The following CPNE4 variants were observed in gnomAD, a reference collection of about 807,000 sequenced individuals.
The protein encoded by CPNE4 is copine-4.
CPNE4 carries 25 observed loss-of-function variants against 67.9 expected under a neutral mutation model. The ratio of observed to expected loss-of-function variants is 0.37; its 90% confidence interval spans 0.27 to 0.51. The LOEUF is 0.51. Among genes scored for constraint, CPNE4 ranks in the 20% least tolerant of loss-of-function variants. The probability of loss-of-function intolerance (pLI) is 0.93; values close to 1 mark genes in which losing one functional copy is unlikely to be tolerated. For missense variants in CPNE4, 464 were observed against 690.8 expected (o/e 0.67, Z 3.68); for synonymous variants, 242 against 244.9 (o/e 0.99, Z 0.11).
chr3:131,818,568 G>C (rs1337163109), intron 2 of CPNE4, among the ~76,000 whole-genome samples: 1 of 152,180 alleles, frequency 6.6e-6, no homozygotes, highest in Non-Finnish European at 1.5e-5. Context: ...CATCAACTGG[G>C]AGGCTGTCAA....
At chr3:131,857,473 G>T (rs2086494800) in intron 2 of CPNE4, among the ~76,000 whole-genome samples, 1 of 151,938 alleles carries the variant, frequency 6.6e-6, no homozygotes, top group African/African-American at 2.4e-5. Context: ...GTAGGATGCA[G>T]TAAAGTGAGC....
At chr3:131,914,264 G>C (rs995046698) in intron 1 of CPNE4, among the ~76,000 whole-genome samples, 3 of 152,126 alleles carry the variant, frequency 2.0e-5, no homozygotes, top group Admixed American at 6.6e-5. Context: ...TAACCACTTT[G>C]CTGTTCTGCC....
chr3:131,609,505 T>C (rs1939702881), intron 7 of CPNE4, among the ~76,000 whole-genome samples: 1 of 152,174 alleles, frequency 6.6e-6, no homozygotes, highest in Non-Finnish European at 1.5e-5. Flanking sequence ...GGTGGGATGA[T>C]AAAGACACAG....
At chr3:131,672,741 C>T (rs1034731482) in intron 6 of CPNE4, among the ~76,000 whole-genome samples, 3 of 151,918 alleles carry the variant, frequency 2.0e-5, no homozygotes, top group African/African-American at 7.2e-5. Context: ...TTATTAACCC[C>T]CTGTCAGATG....
intron 2 of CPNE4, among the ~76,000 whole-genome samples, chr3:131,785,663 TTCTCTCTTTC>T (rs913208948): frequency 1.7e-4 from 16 of 96,622 alleles, no homozygotes; most frequent in Admixed American, 4.2e-4. Context: ...CTCTCTCTCT[TTCTCTCTTTC>T]TCTCTCTCTC....
At chr3:131,725,223 G>A (rs1242172632) in intron 2 of CPNE4, among the ~76,000 whole-genome samples, 3 of 152,144 alleles carry the variant, frequency 2.0e-5, no homozygotes, top group Non-Finnish European at 4.4e-5. Context: ...ATTTGTTCTA[G>A]CCACCCCTAA....
chr3:131,801,994 G>C (rs893302107), intron 2 of CPNE4, among the ~76,000 whole-genome samples: 1 of 151,518 alleles, frequency 6.6e-6, no homozygotes, highest in Non-Finnish European at 1.5e-5. Flanking sequence ...AATAGGGTGG[G>C]GGAAGTTCAG....
chr3:131,649,205 T>C (rs1001981365), intron 7 of CPNE4, among the ~76,000 whole-genome samples: 3 of 152,230 alleles, frequency 2.0e-5, no homozygotes, highest in African/African-American at 7.2e-5. Flanking sequence ...TCCATTAATA[T>C]TGAAGCAGTC....
At chr3:131,572,296 G>T (rs1416359181) in intron 10 of CPNE4, among the ~76,000 whole-genome samples, 2 of 152,084 alleles carry the variant, frequency 1.3e-5, no homozygotes, top group African/African-American at 2.4e-5. Flanking sequence ...TGTGGAAAAG[G>T]TTAATGGAAA....
At chr3:131,738,020 A>G (rs562648335) in intron 2 of CPNE4, among the ~76,000 whole-genome samples, 1 of 152,372 alleles carries the variant, frequency 6.6e-6, no homozygotes, top group South Asian at 2.1e-4. Context: ...GGGATTCAGC[A>G]TTAAGCTAGA....
intron 2 of CPNE4, among the ~76,000 whole-genome samples, chr3:131,746,934 T>C (rs1312122557): frequency 1.3e-5 from 2 of 152,252 alleles, no homozygotes; most frequent in Non-Finnish European, 2.9e-5. Flanking sequence ...CAAACACTCA[T>C]TTTCTCTTGA....
intron 5 of CPNE4, among the ~76,000 whole-genome samples, chr3:131,694,030 G>A (rs1258017171): frequency 6.6e-6 from 1 of 152,122 alleles, no homozygotes; most frequent in African/African-American, 2.4e-5. Context: ...CCTAAAGTAT[G>A]TAGACTCCTG....
chr3:131,562,908 AG>A (rs1432990068), intron 11 of CPNE4, among the ~76,000 whole-genome samples: 2 of 152,064 alleles, frequency 1.3e-5, no homozygotes, highest in East Asian at 1.9e-4. Context: ...CTGGATGTAC[AG>A]GAGAGGAATT....
intron 2 of CPNE4, among the ~76,000 whole-genome samples, chr3:131,801,420 G>GTATGCGTGTGTA (rs761078969): frequency 2.6e-5 from 2 of 75,666 alleles, no homozygotes; most frequent in Non-Finnish European, 4.9e-5. Flanking sequence ...ATATACGTGT[G>GTATGCGTGTGTA]TGTGTGTGTG....
chr3:131,688,212 A>G (rs959461464), intron 5 of CPNE4, among the ~76,000 whole-genome samples: 1 of 152,180 alleles, frequency 6.6e-6, no homozygotes, highest in Admixed American at 6.5e-5. Flanking sequence ...TTTCCTTCCC[A>G]TGCAACCAGG....
At position 131,953,255 on chromosome 3, in the gene CPNE4, A is replaced by ATAAAT. The variant is rs1204411078; in HGVS notation, c.-1-47812_-1-47811insATTTA. 4.2e-3 allele frequency among the ~76,000 whole-genome samples: 632 copies of ATAAAT among 150,012 alleles called. 13 individuals carry two copies. Among genetic ancestry groups the ATAAAT allele is most frequent in the Non-Finnish European group, 5.2e-3 (347 of 67,218 alleles). On this transcript the variant is annotated intron_variant, in intron 1 of 15. Coordinates refer to ENST00000429747, the MANE Select transcript of CPNE4 (RefSeq NM_130808.3). Reference sequence around the variant, plus strand: ...ATGATCAATTAAAAAAAAAAAAAAAAAAAAAAAAAAAGAATGGTGAAAGTA... The same window carrying ATAAAT: ...ATGATCAATTAAAAAAAAAAAAAAAATAAATAAAAAAAAAAAGAATGGTGAAAGTA...
chr3:131,960,840 G>C (rs111365564), intron 1 of CPNE4, among the ~76,000 whole-genome samples: 258 of 152,148 alleles, frequency 1.7e-3, no homozygotes, highest in African/African-American at 6.0e-3. Flanking sequence ...TAAAACCCCA[G>C]TCCAGAACTC....
intron 5 of CPNE4, among the ~76,000 whole-genome samples, chr3:131,693,438 A>G (rs1040582042): frequency 6.6e-6 from 1 of 152,144 alleles, no homozygotes; most frequent in Non-Finnish European, 1.5e-5. Context: ...TTATAATTAT[A>G]TTTTCCAAAC....
At position 131,948,801 on chromosome 3, in the gene CPNE4, G is replaced by A. The variant is rs1191471880; in HGVS notation, c.-1-43357C>T. ...TTTATTAAATTGAAAACAACAAGTG[G>A]TTCCCCCAATCTGCTGATATGCTTT... is the stretch of plus-strand genomic sequence containing the variant. On this transcript the variant is annotated intron_variant, in intron 1 of 15. Coordinates refer to ENST00000429747, the MANE Select transcript of CPNE4 (RefSeq NM_130808.3). 2.0e-5 allele frequency among the ~76,000 whole-genome samples: 3 copies of A among 152,208 alleles called. No homozygotes were observed. The East Asian group carries it at 5.8e-4, about 29-fold the overall frequency.
Sources: gnomAD v4.1 joint callset for allele counts (sites outside exome capture counted in the v4.1 genomes callset) on GRCh38, gnomAD v4.1.1 for gene constraint, MANE v1.5 for transcripts, NCBI Gene and HGNC (gene_info 2026-07-23, HGNC 2026-07-21) for gene names.